Variants in SGK2 observed in about 807,000 individuals in gnomAD.
SGK2 encodes the protein serum/glucocorticoid regulated kinase 2, also known as serine/threonine-protein kinase Sgk2.
SGK2 carries 36 observed loss-of-function variants against 47.5 expected under a neutral mutation model. The observed-to-expected ratio is 0.76, with a 90% confidence interval of 0.58 to 1.00. The LOEUF (loss-of-function observed/expected upper bound fraction) is 1.00. SGK2 is among the 50% of genes least tolerant of loss of function. SGK2 has a pLI of 0.00. For synonymous variants in SGK2, 157 were observed against 181.9 expected (o/e 0.86, Z 1.10); for missense variants, 404 against 467.4 (o/e 0.86, Z 1.25).
intron 11 of SGK2, among the ~76,000 whole-genome samples, chr20:43,577,421 A>G (rs6065628): frequency 0.88 from 130,518 of 148,064 alleles, 57,533 homozygotes; most frequent in East Asian, 0.93. Flanking sequence ...GTGCAATCTC[A>G]TCTCACTGCA....
At chr20:43,570,484 C>T (rs578140790) in intron 6 of SGK2, 133 bp from the exon 7 acceptor site, 34 of 598,870 alleles carry the variant, frequency 5.7e-5, no homozygotes, top group Non-Finnish European at 9.4e-5. Flanking sequence ...GGCCAGCATG[C>T]ACTCTTTTGG....
At chr20:43,580,898 T>C (rs1980755083) in intron 12 of SGK2, among the ~76,000 whole-genome samples, 1 of 151,912 alleles carries the variant, frequency 6.6e-6, no homozygotes, top group South Asian at 2.1e-4. Context: ...TTTCTTGAGA[T>C]GGAGTCTCAC....
intron 1 of SGK2, among the ~76,000 whole-genome samples, chr20:43,564,314 G>A (rs532150049): frequency 6.6e-6 from 1 of 152,366 alleles, no homozygotes; most frequent in African/African-American, 2.4e-5. Context: ...AGGCAGGCTG[G>A]ACTGAGCTAG....
At chr20:43,580,933 T>C (rs544422715) in intron 12 of SGK2, among the ~76,000 whole-genome samples, 1 of 152,048 alleles carries the variant, frequency 6.6e-6, no homozygotes, top group African/African-American at 2.4e-5. Context: ...TGGAGTGCAG[T>C]GGCACAATCT....
At chr20:43,575,512 G>C (rs1216497739) in intron 10 of SGK2, among the ~76,000 whole-genome samples, 3 of 150,518 alleles carry the variant, frequency 2.0e-5, no homozygotes, top group African/African-American at 7.3e-5. Flanking sequence ...GTCTCACCTT[G>C]GGTGCCTCAA....
At chr20:43,571,379 T>C (rs1226782984) in intron 8 of SGK2, among the ~76,000 whole-genome samples, 1 of 152,058 alleles carries the variant, frequency 6.6e-6, no homozygotes, top group Non-Finnish European at 1.5e-5. Flanking sequence ...GGCAGAAGCT[T>C]TATTGGGGAA....
At chr20:43,571,209 T>C in intron 8 of SGK2, 149 bp downstream of exon 8, 2 of 1,284,902 alleles carry the variant, frequency 1.6e-6, no homozygotes, top group Non-Finnish European at 2.2e-6. Flanking sequence ...CATATGTGTG[T>C]GTGCCCATGC....
chr20:43,575,132 C>T (rs942436177), intron 10 of SGK2, 128 bp downstream of exon 10: 11 of 637,316 alleles, frequency 1.7e-5, no homozygotes, highest in African/African-American at 1.7e-4. Flanking sequence ...AAAAAGATAA[C>T]GCCAAGGTGA....
intron 12 of SGK2, among the ~76,000 whole-genome samples, chr20:43,581,866 G>A (rs1325725931): frequency 6.6e-6 from 1 of 152,078 alleles, no homozygotes; most frequent in African/African-American, 2.4e-5. Context: ...TTTTCACTGT[G>A]TGGAAGGGAG....
At chr20:43,566,798 G>A (rs768354844) in intron 2 of SGK2, among the ~76,000 whole-genome samples, 4 of 147,414 alleles carry the variant, frequency 2.7e-5, no homozygotes, top group Non-Finnish European at 5.9e-5. Flanking sequence ...CTGGGCCTCA[G>A]TTTCCTCGCC....
chr20:43,578,441 T>C (rs1462407425), intron 11 of SGK2, among the ~76,000 whole-genome samples: 2 of 151,886 alleles, frequency 1.3e-5, no homozygotes, highest in African/African-American at 2.4e-5. Context: ...TGAGCTGAGA[T>C]GGGCACCACT....
chr20:43,561,373 G>A (rs1979364160), intron 1 of SGK2, among the ~76,000 whole-genome samples: 1 of 150,334 alleles, frequency 6.7e-6, no homozygotes, highest in South Asian at 2.1e-4. Flanking sequence ...ATAAACCATG[G>A]TAGAGGCTTT....
chr20:43,562,025 G>A (rs750957638), intron 1 of SGK2, among the ~76,000 whole-genome samples: 10 of 152,100 alleles, frequency 6.6e-5, no homozygotes, highest in African/African-American at 9.7e-5. Context: ...TTGAGTAGGC[G>A]GTAGTGCCAT....
At position 43,575,464 on chromosome 20, in the gene SGK2, C is replaced by CA. The variant is rs11471675; in HGVS notation, c.693+479dup. Among the ~76,000 whole-genome samples, 1,096 of 116,726 alleles carry CA rather than the reference C, an allele frequency of 9.4e-3. 54 individuals are homozygous for CA. Among genetic ancestry groups the CA allele is most frequent in the African/African-American group, 0.029 (866 of 29,668 alleles). 76.6% of individuals were successfully genotyped at this position (116,726 alleles called of 152,430 possible). On this transcript the variant is annotated intron_variant, in intron 10 of 12. Coordinates refer to ENST00000373100, the MANE Select transcript of SGK2 (RefSeq NM_170693.3). The stretch of plus-strand genomic sequence containing the variant: ...TGGGTGACGGAGGGAGACTCTGTCT[C>CA]AAAAAAAAAAAAAAAAAAAGTTAGT...
Position 43,585,118 on chromosome 20 carries a change from A to G in SGK2, c.*102A>G. On this transcript the variant is annotated 3_prime_UTR_variant, in exon 13 of 13. Transcript: ENST00000373100. ...TCAAACTAACAATGGCTTCAACGAG[A>G]AGCAGGTTTATTTTTTCCAGCACAT... 1.7e-6 allele frequency: 2 copies of G among 1,150,196 alleles called. No individual in the cohort carries two copies. Among genetic ancestry groups the G allele is most frequent in the South Asian group, 3.1e-5 (2 of 65,168 alleles). The allele number at this position is 1,150,196 out of a possible 1,614,324, so 71.2% of individuals were successfully genotyped here.
intron 1 of SGK2, chr20:43,565,021 C>A (rs1169878896): frequency 6.6e-6 from 1 of 152,506 alleles, no homozygotes; most frequent in Non-Finnish European, 1.5e-5. Flanking sequence ...TATTGCCCAC[C>A]CCTCCCACCG....
chr20:43,584,922 G>A lies in SGK2; in HGVS notation c.1010G>A (p.Cys337Tyr), dbSNP rs1196634252. Residue 337 changes from cysteine (C) to tyrosine (Y), a missense_variant, in exon 13 of 13, where the codon TGT (cysteine) becomes TAT (tyrosine). By Grantham distance (194) the Cys-to-Tyr change is radical. Coordinates refer to ENST00000373100, the MANE Select transcript of SGK2 (RefSeq NM_170693.3). ...GAAGCTGTGTCCAAGTCCATTGGCTGTACCCCTGACACTGTGGCCAGCAGC... is the reference window on the plus strand; with the variant it reads ...GAAGCTGTGTCCAAGTCCATTGGCTATACCCCTGACACTGTGGCCAGCAGC... The part of the protein sequence containing the change: ...TQEAVSKSIG[C>Y]TPDTVASSSG... 6.2e-6 allele frequency: 10 copies of A among 1,614,130 alleles called. No individual in the cohort carries two copies. The highest frequency in any genetic ancestry group is 1.1e-5 in the South Asian group (1 of 91,078).
Position 43,566,470 on chromosome 20 carries a change from C to G in SGK2, c.-23-3C>G. 1 of 1,614,110 alleles carries G rather than the reference C, an allele frequency of 6.2e-7. No individual in the cohort carries two copies. Among genetic ancestry groups the G allele is most frequent in the Non-Finnish European group, 8.5e-7 (1 of 1,180,026 alleles). ...TCATGCCTGCTCCTCCCTGTCCCCC[C>G]AGAGCTGCCTGATCATTGCTACAGA... On this transcript the variant is annotated splice_polypyrimidine_tract_variant and splice_region_variant and intron_variant, in intron 1 of 12. Transcript: ENST00000373100.
intron 2 of SGK2, 72 bp downstream of exon 2, chr20:43,566,603 C>A: frequency 9.1e-7 from 1 of 1,104,848 alleles, no homozygotes; most frequent in Non-Finnish European, 1.3e-6. Context: ...ATCTGTGGGT[C>A]CCAGACAATG....
Sources: gnomAD v4.1 joint callset for allele counts (sites outside exome capture counted in the v4.1 genomes callset) on GRCh38, gnomAD v4.1.1 for gene constraint, MANE v1.5 for transcripts, NCBI Gene and HGNC (gene_info 2026-07-23, HGNC 2026-07-21) for gene names.